The following ARID4B variants were observed in gnomAD, a reference collection of about 807,000 sequenced individuals.
ARID4B encodes AT-rich interaction domain 4B, also known as AT-rich interactive domain-containing protein 4B.
ARID4B carries 26 observed loss-of-function variants against 147.5 expected under a neutral mutation model. The observed-to-expected ratio is 0.18, with a 90% CI of 0.13 to 0.24. The LOEUF (loss-of-function observed/expected upper bound fraction) is 0.24, where lower values mean the gene tolerates loss of function less well. Ranked by LOEUF, ARID4B falls within the 10% of genes least tolerant of loss-of-function variation. The pLI is 1.00. For missense variants in ARID4B, 1,179 were observed against 1,511.5 expected (o/e 0.78, Z 3.65); for synonymous variants, 512 against 507.9 (o/e 1.01, Z -0.11).
chr1:235,194,126 T>C lies in ARID4B; in HGVS notation c.2012A>G (p.Gln671Arg). ...KLRRLSKPPF[Q>R]TNPSPEMVSK... ...TACCATTTCAGGAGATGGATTTGTCTGAAATGGTGGTTTGGACAAGCGCCG... is the reference window on the plus strand; with the variant it reads ...TACCATTTCAGGAGATGGATTTGTCCGAAATGGTGGTTTGGACAAGCGCCG... Residue 671 changes from glutamine to arginine, a missense_variant, in exon 19 of 24, where the codon CAG (glutamine) becomes CGG (arginine). Gln to Arg is a conservative substitution (Grantham distance 43). Around this residue, in one of 10 missense-constraint regions of ARID4B, gnomAD observed 321 missense variants for 342.4 expected, o/e 0.94. Coordinates refer to ENST00000264183, the MANE Select transcript of ARID4B (RefSeq NM_016374.6). 1 of 1,613,366 alleles carries C rather than the reference T, an allele frequency of 6.2e-7. No individual in the cohort carries two copies. The highest frequency in any genetic ancestry group is 8.5e-7 in the Non-Finnish European group (1 of 1,179,326).
chr1:235,224,892 C>T (rs905856765), intron 11 of ARID4B, 117 bp from the exon 12 acceptor site: 5 of 685,066 alleles, frequency 7.3e-6, no homozygotes, highest in East Asian at 2.8e-5. Context: ...AGGCTTTTTA[C>T]GTAATCAAAG....
At chr1:235,180,674 A>C (rs1457841761) in intron 20 of ARID4B, 1 of 152,176 alleles carries the variant, frequency 6.6e-6, no homozygotes, top group Non-Finnish European at 1.5e-5. Context: ...TCCTGAGAAA[A>C]CATAGAATTA....
In ARID4B at chr1:235,246,649, C is replaced by T. The variant is rs553664683; in HGVS notation, c.355-138G>A. On this transcript the variant is annotated intron_variant, in intron 6 of 23. Coordinates refer to ENST00000264183, the MANE Select transcript of ARID4B (RefSeq NM_016374.6). ...CCAGGGAAGCTAAAACACAGCTTTC[C>T]TAAAGATAGAAAATTCTAGTTTCAA... The T allele has an allele frequency of 1.2e-5, 7 of 577,498 alleles. No individual in the cohort carries two copies. In the Admixed American group the frequency reaches 1.8e-4, roughly 15 times the overall value. The allele number at this position is 577,498 out of a possible 1,614,324, so 35.8% of individuals were successfully genotyped here.
intron 2 of ARID4B, among the ~76,000 whole-genome samples, chr1:235,298,450 T>C (rs550951819): frequency 9.3e-5 from 14 of 150,056 alleles, no homozygotes; most frequent in African/African-American, 3.2e-4. Context: ...AATTACCGTA[T>C]TACATTATAT....
chr1:235,256,142 C>G (rs990230854), intron 4 of ARID4B, among the ~76,000 whole-genome samples: 3 of 132,668 alleles, frequency 2.3e-5, no homozygotes, highest in Non-Finnish European at 4.6e-5. Flanking sequence ...CCACTGCACT[C>G]CAGCCTGGGT....
chr1:235,258,681 G>A (rs564486422), intron 3 of ARID4B, among the ~76,000 whole-genome samples: 3 of 152,252 alleles, frequency 2.0e-5, no homozygotes, highest in South Asian at 2.1e-4. Flanking sequence ...TTAGGTAACA[G>A]GCAGGCCCAC....
chr1:235,257,555 T>C (rs569246564), intron 3 of ARID4B, among the ~76,000 whole-genome samples: 1 of 152,106 alleles, frequency 6.6e-6, no homozygotes, highest in South Asian at 2.1e-4. Context: ...CAATCTTGGC[T>C]CACTGCAACC....
chr1:235,291,082 A>G (rs1672305590), intron 2 of ARID4B, among the ~76,000 whole-genome samples: 1 of 152,126 alleles, frequency 6.6e-6, no homozygotes, highest in African/African-American at 2.4e-5. Context: ...CCTGTGTGAC[A>G]GAGTAACAAT....
In ARID4B at chr1:235,256,629, A is replaced by C. The variant is rs142568633; in HGVS notation, c.183+531T>G. 2.6e-3 allele frequency among the ~76,000 whole-genome samples: 396 copies of C among 152,298 alleles called. 3 individuals are homozygous for C. Among genetic ancestry groups the C allele is most frequent in the African/African-American group, 9.1e-3 (379 of 41,566 alleles). On this transcript the variant is annotated intron_variant, in intron 4 of 23. Coordinates refer to ENST00000264183, the MANE Select transcript of ARID4B (RefSeq NM_016374.6). The stretch of plus-strand genomic sequence containing the variant: ...TGTAAAGGCTGATGACCCTTAAAAG[A>C]TTTCATTTGCCAGTAGTGGCTCCAA...
chr1:235,318,806 A>G (rs927503805), intron 2 of ARID4B, among the ~76,000 whole-genome samples: 6 of 151,986 alleles, frequency 3.9e-5, no homozygotes, highest in Non-Finnish European at 8.8e-5. Context: ...GCTTGAACCC[A>G]GGAGGTCGAT....
chr1:235,304,952 T>C (rs1673440303), intron 2 of ARID4B, among the ~76,000 whole-genome samples: 2 of 152,164 alleles, frequency 1.3e-5, no homozygotes, highest in Admixed American at 6.6e-5. Flanking sequence ...GTAGGCAGAA[T>C]GCACTCCCCC....
Position 235,255,269 on chromosome 1 carries a change from A to ATCTC in ARID4B, c.274+387_274+390dup, listed in dbSNP as rs58782902. Among the ~76,000 whole-genome samples, 241 of 131,706 alleles carry ATCTC rather than the reference A, an allele frequency of 1.8e-3. 3 individuals carry two copies. Among genetic ancestry groups the ATCTC allele is most frequent in the African/African-American group, 5.8e-3 (208 of 35,592 alleles). The allele number at this position is 131,706 out of a possible 152,430, so 86.4% of individuals were successfully genotyped here. A position where few individuals can be genotyped will look rare whatever the true frequency, so the allele number is the denominator to read the frequency against. ...TAGATAGATAGATAGATAGATATATATCTCTCTCTCTCTCTCTCTATATAT... is the reference window on the plus strand; with the variant it reads ...TAGATAGATAGATAGATAGATATATATCTCTCTCTCTCTCTCTCTCTCTATATAT... On this transcript the variant is annotated intron_variant, in intron 5 of 23. Coordinates refer to ENST00000264183, the MANE Select transcript of ARID4B (RefSeq NM_016374.6).
chr1:235,285,971 C>T (rs1018084370), intron 2 of ARID4B, among the ~76,000 whole-genome samples: 1 of 151,956 alleles, frequency 6.6e-6, no homozygotes, highest in Non-Finnish European at 1.5e-5. Flanking sequence ...AGGGAAAGAA[C>T]AAGAGAAAAA....
chr1:235,173,205 A>G (rs1191652109), intron 22 of ARID4B, among the ~76,000 whole-genome samples: 1 of 152,118 alleles, frequency 6.6e-6, no homozygotes, highest in African/African-American at 2.4e-5. Context: ...TTAGCTGGGC[A>G]TGGTGGCGGG....
intron 2 of ARID4B, among the ~76,000 whole-genome samples, chr1:235,316,278 C>T (rs535331513): frequency 2.0e-5 from 3 of 152,150 alleles, no homozygotes; most frequent in African/African-American, 4.8e-5. Context: ...AAGGCTGAGG[C>T]GGGCGGATCA....
At chr1:235,176,737 G>A (rs896248565) in intron 21 of ARID4B, 6 of 415,372 alleles carry the variant, frequency 1.4e-5, no homozygotes, top group Admixed American at 2.9e-5. Context: ...CCCCAGGGAC[G>A]CCATATTCAC....
intron 19 of ARID4B, among the ~76,000 whole-genome samples, chr1:235,193,052 C>T (rs1406862871): frequency 3.3e-5 from 5 of 151,800 alleles, no homozygotes; most frequent in Non-Finnish European, 7.4e-5. Flanking sequence ...TGAGATTGCG[C>T]CACTGCACTC....
intron 3 of ARID4B, among the ~76,000 whole-genome samples, chr1:235,260,347 A>G (rs1239239628): frequency 2.0e-5 from 3 of 152,192 alleles, no homozygotes; most frequent in African/African-American, 7.2e-5. Flanking sequence ...TTTTTCTTGT[A>G]ATAAAATGAA....
intron 23 of ARID4B, among the ~76,000 whole-genome samples, chr1:235,169,407 AT>A (rs1235327388): frequency 1.3e-5 from 2 of 149,792 alleles, no homozygotes; most frequent in Non-Finnish European, 3.0e-5. Flanking sequence ...CGCCCGGCTA[AT>A]TTTTTTGTAT....
Sources: gnomAD v4.1 joint callset for allele counts (sites outside exome capture counted in the v4.1 genomes callset) on GRCh38, gnomAD v4.1.1 for gene constraint, gnomAD v4.1.1 regional missense constraint, MANE v1.5 for transcripts, NCBI Gene and HGNC (gene_info 2026-07-23, HGNC 2026-07-21) for gene names.